Variants in ZCWPW2 observed in about 807,000 individuals in gnomAD.
ZCWPW2 encodes the protein zinc finger CW-type PWWP domain protein 2.
In ZCWPW2, 45 loss-of-function variants were observed where a neutral mutation model predicts 46.6. That is an observed-to-expected ratio of 0.96 (90% CI 0.76 to 1.24). The LOEUF (loss-of-function observed/expected upper bound fraction) is 1.24, where lower values mean the gene tolerates loss of function less well. Ranked by LOEUF, ZCWPW2 falls within the 50% of genes most tolerant of loss-of-function variation. ZCWPW2 has a pLI of 0.00. For missense variants in ZCWPW2, 429 were observed against 403.9 expected (o/e 1.06, Z -0.53); for synonymous variants, 152 against 137.1 (o/e 1.11, Z -0.76).
chr3:28,394,504 T>C (rs767033173), intron 2 of ZCWPW2, among the ~76,000 whole-genome samples: 4 of 152,102 alleles, frequency 2.6e-5, no homozygotes, highest in African/African-American at 9.7e-5. Flanking sequence ...TCACACTTGC[T>C]GATTTGAAAT....
rs200677939 is a variant in ZCWPW2 at position 28,524,635 on chromosome 3, G to A, written c.1018G>A (p.Glu340Lys). The A allele has an allele frequency of 6.5e-5, 104 of 1,602,664 alleles. No individual in the cohort carries two copies. The Middle Eastern group carries it at 8.3e-4, about 13-fold the overall frequency. The change falls in exon 10 of 10, where the codon GAG (glutamate) becomes AAG (lysine). Residue 340 changes from glutamate to lysine, a missense_variant. Coordinates refer to ENST00000383768, the MANE Select transcript of ZCWPW2 (RefSeq NM_001040432.4). ...AAAATTAAAAGCTGGAGAATGTATT[G>A]AGGATATAACTAATAAATTTAAAGA... is the stretch of plus-strand genomic sequence containing the variant. ...GIKLKAGECI[E>K]DITNKFKEID...
At chr3:28,490,332 G>T (rs1173684456) in intron 5 of ZCWPW2, among the ~76,000 whole-genome samples, 1 of 152,056 alleles carries the variant, frequency 6.6e-6, no homozygotes, top group African/African-American at 2.4e-5. Context: ...TATACCCAAA[G>T]AAATATAAAT....
At chr3:28,428,692 T>C (rs1389523353) in intron 3 of ZCWPW2, among the ~76,000 whole-genome samples, 1 of 152,156 alleles carries the variant, frequency 6.6e-6, no homozygotes, top group East Asian at 1.9e-4. Context: ...GGGCAGGACC[T>C]TGTGGGAGGT....
At chr3:28,502,018 C>G (rs187028741) in intron 6 of ZCWPW2, among the ~76,000 whole-genome samples, 145 of 152,196 alleles carry the variant, frequency 9.5e-4, no homozygotes, top group African/African-American at 3.2e-3. Flanking sequence ...CCACCCACAT[C>G]CCACCAGAAA....
chr3:28,509,675 G>A (rs77095531), intron 6 of ZCWPW2, among the ~76,000 whole-genome samples: 4,452 of 151,944 alleles, frequency 0.029, 195 homozygotes, highest in African/African-American at 0.096. Context: ...ATTTTAATTG[G>A]CTTATTGTAT....
chr3:28,469,607 C>T (rs1173460206), intron 4 of ZCWPW2, among the ~76,000 whole-genome samples: 1 of 151,686 alleles, frequency 6.6e-6, no homozygotes, highest in Non-Finnish European at 1.5e-5. Flanking sequence ...AAGACAAAAA[C>T]TGTAAGAAGA....
chr3:28,402,967 A>AT (rs1696010659), intron 2 of ZCWPW2, among the ~76,000 whole-genome samples: 1 of 152,202 alleles, frequency 6.6e-6, no homozygotes, highest in Non-Finnish European at 1.5e-5. Context: ...AGTTGAAAGC[A>AT]TTCCCTCTGA....
intron 1 of ZCWPW2, among the ~76,000 whole-genome samples, chr3:28,369,633 G>T (rs141730444): frequency 6.6e-6 from 1 of 152,334 alleles, no homozygotes; most frequent in African/African-American, 2.4e-5. Flanking sequence ...CAGTCTGTCC[G>T]TTCTCAGATC....
At chr3:28,376,978 T>C (rs1009659280) in intron 1 of ZCWPW2, among the ~76,000 whole-genome samples, 3 of 152,150 alleles carry the variant, frequency 2.0e-5, no homozygotes, top group Non-Finnish European at 4.4e-5. Context: ...GTTGAAATTA[T>C]ATTCTTTATT....
At chr3:28,445,949 TA>T (rs1697974318) in intron 4 of ZCWPW2, among the ~76,000 whole-genome samples, 1 of 152,114 alleles carries the variant, frequency 6.6e-6, no homozygotes, top group African/African-American at 2.4e-5. Flanking sequence ...ATATTTTGAT[TA>T]ATAAGATGTT....
At chr3:28,446,405 A>C (rs1244334107) in intron 4 of ZCWPW2, among the ~76,000 whole-genome samples, 2 of 152,186 alleles carry the variant, frequency 1.3e-5, no homozygotes, top group African/African-American at 4.8e-5. Flanking sequence ...ACCCCAAGAC[A>C]ACCAATGAAT....
At chr3:28,398,247 C>T (rs921392798) in intron 2 of ZCWPW2, 2 of 152,176 alleles carry the variant, frequency 1.3e-5, no homozygotes, top group African/African-American at 4.8e-5. Flanking sequence ...AAAGAGCAAA[C>T]TCTGTGCTAT....
At chr3:28,362,771 G>A (rs1457056021) in intron 1 of ZCWPW2, among the ~76,000 whole-genome samples, 1 of 152,086 alleles carries the variant, frequency 6.6e-6, no homozygotes, top group African/African-American at 2.4e-5. Flanking sequence ...GCATGTGTAT[G>A]TTGAACACTA....
Position 28,516,255 on chromosome 3 carries a change from CAATAAATAAATA to C in ZCWPW2, c.784+673_784+684del, listed in dbSNP as rs56931163. Among the ~76,000 whole-genome samples the C allele has an allele frequency of 8.7e-3, 1,217 of 140,164 alleles. 11 individuals are homozygous for C. The highest frequency in any genetic ancestry group is 0.022 in the African/African-American group (829 of 37,524). The allele number at this position is 140,164 out of a possible 152,430, so 92.0% of individuals were successfully genotyped here. On this transcript the variant is annotated intron_variant, in intron 8 of 9. Transcript: ENST00000383768. ...AGAATGACAGAACAAGATTCCCTCT[CAATAAATAAATA>C]AATAAATAAATAAATAAATAAATAA...
chr3:28,395,978 C>G (rs1482421234), intron 2 of ZCWPW2, among the ~76,000 whole-genome samples: 1 of 151,966 alleles, frequency 6.6e-6, no homozygotes, highest in Non-Finnish European at 1.5e-5. Context: ...GTATCTATGT[C>G]AAAACATCAT....
intron 4 of ZCWPW2, among the ~76,000 whole-genome samples, chr3:28,476,880 G>T (rs1005195324): frequency 6.6e-6 from 1 of 152,020 alleles, no homozygotes; most frequent in Non-Finnish European, 1.5e-5. Context: ...TCACAATAGG[G>T]TTCATGTTCC....
intron 2 of ZCWPW2, among the ~76,000 whole-genome samples, chr3:28,391,958 C>T (rs916384375): frequency 6.6e-6 from 1 of 152,158 alleles, no homozygotes; most frequent in Non-Finnish European, 1.5e-5. Flanking sequence ...TAAGTCCTTA[C>T]TTACTGTTTG....
intron 7 of ZCWPW2, among the ~76,000 whole-genome samples, 195 bp downstream of exon 7, chr3:28,514,317 A>AT (rs1312906497): frequency 1.3e-5 from 2 of 151,964 alleles, no homozygotes; most frequent in African/African-American, 2.4e-5. Flanking sequence ...TACCTCCTAT[A>AT]TTATCCACTC....
chr3:28,484,344 C>T (rs766219375), intron 5 of ZCWPW2, among the ~76,000 whole-genome samples: 8 of 152,052 alleles, frequency 5.3e-5, no homozygotes, highest in Non-Finnish European at 7.4e-5. Flanking sequence ...GAAAAGGTTA[C>T]GGAGAATTGG....
Sources: gnomAD v4.1 joint callset for allele counts (sites outside exome capture counted in the v4.1 genomes callset) on GRCh38, gnomAD v4.1.1 for gene constraint, MANE v1.5 for transcripts, NCBI Gene and HGNC (gene_info 2026-07-23, HGNC 2026-07-21) for gene names.